TAPT1: variants seen among roughly 807,000 people sequenced by gnomAD.
The protein encoded by TAPT1 is transmembrane anterior posterior transformation protein 1 homolog.
Under a neutral mutation model 65.6 loss-of-function variants are expected in TAPT1, and 28 were observed. That is an observed-to-expected ratio of 0.43 (90% CI 0.32 to 0.59). TAPT1 has a LOEUF of 0.59. Among genes scored for constraint, TAPT1 ranks in the 20% least tolerant of loss-of-function variants. TAPT1 has a pLI of 0.09. For synonymous variants in TAPT1, 278 were observed against 245.2 expected (o/e 1.13, Z -1.25); for missense variants, 563 against 679.9 (o/e 0.83, Z 1.91).
intron 3 of TAPT1, among the ~76,000 whole-genome samples, chr4:16,195,845 A>G (rs1305540760): frequency 6.6e-6 from 1 of 152,238 alleles, no homozygotes; most frequent in Non-Finnish European, 1.5e-5. Flanking sequence ...AACATCTAGT[A>G]GTGGACAGAA....
chr4:16,172,696 A>G (rs143144914), intron 11 of TAPT1, among the ~76,000 whole-genome samples: 3 of 152,364 alleles, frequency 2.0e-5, no homozygotes, highest in African/African-American at 7.2e-5. Flanking sequence ...AAGCTGGTCT[A>G]AAACATAGCT....
At position 16,174,715 on chromosome 4, in the gene TAPT1, A is replaced by G. The variant is rs1294365715; in HGVS notation, c.1122T>C (p.Tyr374=). 1 of 1,589,550 alleles carries G rather than the reference A, an allele frequency of 6.3e-7. No homozygotes were observed. The highest frequency in any genetic ancestry group is 1.8e-5 in the Admixed American group (1 of 56,688). ...CAAGGTCAAAAGCAAGACTGGCTCTATATTCACTGTAGACCTAAAAACAAA... is the reference window on the plus strand; with the variant it reads ...CAAGGTCAAAAGCAAGACTGGCTCTGTATTCACTGTAGACCTAAAAACAAA... The part of the protein sequence containing the change: ...NDITADVYSE[Y]RASLAFDLVS... The change falls in exon 10 of 14, where the codon TAT becomes TAC. Residue 374 remains tyrosine (Y), a synonymous_variant. Coordinates refer to ENST00000405303, the MANE Select transcript of TAPT1 (RefSeq NM_153365.3).
intron 1 of TAPT1, among the ~76,000 whole-genome samples, chr4:16,224,892 A>G (rs1751457444): frequency 6.6e-6 from 1 of 152,196 alleles, no homozygotes; most frequent in Non-Finnish European, 1.5e-5. Context: ...GGCTTTTAAA[A>G]TGGTGGCTTT....
At chr4:16,217,489 T>C (rs981876638) in intron 1 of TAPT1, among the ~76,000 whole-genome samples, 1 of 152,090 alleles carries the variant, frequency 6.6e-6, no homozygotes, top group Non-Finnish European at 1.5e-5. Context: ...CGACAAAGAA[T>C]TGAGGAAGTG....
Position 16,217,324 on chromosome 4 carries a change from GAGA to G in TAPT1, c.200-3429_200-3427del, listed in dbSNP as rs1433937649. 2.6e-5 allele frequency among the ~76,000 whole-genome samples: 4 copies of G among 152,306 alleles called. No individual in the cohort carries two copies. The East Asian group carries it at 7.7e-4, about 29-fold the overall frequency. The stretch of plus-strand genomic sequence containing the variant: ...TGCTAAAACAATATACAGGTCAGAG[GAGA>G]AGAAGAAAAATCATAGAGAACAAAA... On this transcript the variant is annotated intron_variant, in intron 1 of 13. Transcript: ENST00000405303.
intron 1 of TAPT1, among the ~76,000 whole-genome samples, chr4:16,220,603 G>A (rs751630002): frequency 6.6e-6 from 1 of 152,000 alleles, no homozygotes; most frequent in Non-Finnish European, 1.5e-5. Flanking sequence ...ACCAAAATTT[G>A]CTGGGCATGG....
intron 1 of TAPT1, among the ~76,000 whole-genome samples, chr4:16,218,503 T>A (rs772231186): frequency 2.0e-5 from 3 of 152,194 alleles, no homozygotes; most frequent in Non-Finnish European, 2.9e-5. Context: ...TGTGTTATGA[T>A]CCACAGAAGA....
chr4:16,182,071 G>C (rs1425804000), intron 7 of TAPT1, among the ~76,000 whole-genome samples: 3 of 152,116 alleles, frequency 2.0e-5, no homozygotes, highest in Admixed American at 6.5e-5. Context: ...CTATAAAAAT[G>C]AGGCTGTTAT....
At chr4:16,176,063 A>G in intron 9 of TAPT1, 56 bp downstream of exon 9, 1 of 854,380 alleles carries the variant, frequency 1.2e-6, no homozygotes, top group Non-Finnish European at 1.8e-6. Flanking sequence ...ACAACTTTTA[A>G]AAATTAAGCA....
intron 7 of TAPT1, among the ~76,000 whole-genome samples, chr4:16,181,942 G>A (rs565429234): frequency 1.2e-4 from 19 of 152,286 alleles, no homozygotes; most frequent in African/African-American, 4.3e-4. Flanking sequence ...TTTGGTAAAT[G>A]AATGCGATTT....
chr4:16,218,050 G>C (rs1219405270), intron 1 of TAPT1, among the ~76,000 whole-genome samples: 1 of 152,184 alleles, frequency 6.6e-6, no homozygotes, highest in Non-Finnish European at 1.5e-5. Context: ...GGGTTAAAGA[G>C]ATACAGAAAC....
intron 1 of TAPT1, chr4:16,226,014 T>C (rs981658741): frequency 1.0e-6 from 1 of 1,002,642 alleles, no homozygotes; most frequent in African/African-American, 1.7e-5. Context: ...AGACCCCTTC[T>C]AGGGCACACC....
At position 16,188,357 on chromosome 4, in the gene TAPT1, TA is replaced by T. The variant is rs749331833; in HGVS notation, c.613-3del. On this transcript the variant is annotated splice_polypyrimidine_tract_variant and splice_region_variant and intron_variant, in intron 4 of 13. Coordinates refer to ENST00000405303, the MANE Select transcript of TAPT1 (RefSeq NM_153365.3). Reference sequence around the variant, plus strand: ...AGATGAAAACAGACGATCAGCTACCTAAAAAAAAAAATTATTTGTAAGATGT... The same window carrying T: ...AGATGAAAACAGACGATCAGCTACCTAAAAAAAAAATTATTTGTAAGATGT... The T allele has an allele frequency of 7.6e-3, 9,532 of 1,253,474 alleles. No homozygotes were observed. Among genetic ancestry groups the T allele is most frequent in the South Asian group, 0.015 (951 of 64,356 alleles). The allele number at this position is 1,253,474 out of a possible 1,614,324, so 77.6% of individuals were successfully genotyped here. A position where few individuals can be genotyped will look rare whatever the true frequency, so the allele number is the denominator to read the frequency against.
At chr4:16,179,513 G>T in intron 8 of TAPT1, 64 bp downstream of exon 8, 2 of 1,002,530 alleles carry the variant, frequency 2.0e-6, no homozygotes, top group Non-Finnish European at 2.9e-6. Context: ...TTTATTCCAT[G>T]TAAAAGAATG....
intron 7 of TAPT1, chr4:16,182,898 G>A (rs982016159): frequency 1.3e-5 from 2 of 152,202 alleles, no homozygotes; most frequent in African/African-American, 2.4e-5. Flanking sequence ...AAGGGGTAAA[G>A]TTACTCTCAG....
intron 2 of TAPT1, among the ~76,000 whole-genome samples, chr4:16,203,004 T>C (rs979594598): frequency 2.0e-5 from 3 of 152,224 alleles, no homozygotes; most frequent in Non-Finnish European, 4.4e-5. Context: ...TCACTAACTT[T>C]AACACAATTT....
upstream of TAPT1, chr4:16,227,014 T>G (rs562063159): frequency 0.02 from 8,900 of 451,514 alleles, 204 homozygotes; most frequent in Admixed American, 0.066. Flanking sequence ...GGGGCCCGGC[T>G]CCAGATCACC....
chr4:16,172,177 G>T (rs1210542326), intron 11 of TAPT1, among the ~76,000 whole-genome samples: 1 of 151,790 alleles, frequency 6.6e-6, no homozygotes, highest in African/African-American at 2.4e-5. Flanking sequence ...TAAATATTTT[G>T]GTATAACAGC....
At chr4:16,164,998 T>G (rs572569901) in intron 13 of TAPT1, among the ~76,000 whole-genome samples, 4 of 152,162 alleles carry the variant, frequency 2.6e-5, no homozygotes, top group Admixed American at 6.5e-5. Flanking sequence ...CACTCCACAC[T>G]TGCCATATTG....
Sources: allele counts gnomAD v4.1 joint callset (sites outside exome capture counted in the v4.1 genomes callset), GRCh38; gene constraint gnomAD v4.1.1; transcripts MANE v1.5; gene names NCBI Gene and HGNC (gene_info 2026-07-23, HGNC 2026-07-21).